Variants in CTCF observed in about 807,000 individuals in gnomAD.
CTCF encodes CCCTC-binding factor.
In CTCF, 7 loss-of-function variants were observed where a neutral mutation model predicts 72.3. The observed-to-expected ratio is 0.10, with a 90% CI of 0.06 to 0.18. The LOEUF (loss-of-function observed/expected upper bound fraction) is 0.18, where lower values mean the gene tolerates loss of function less well. CTCF is among the 10% of genes least tolerant of loss of function. The pLI is 1.00. For synonymous variants in CTCF, 374 were observed against 315.8 expected (o/e 1.18, Z -1.95); for missense variants, 516 against 949.1 (o/e 0.54, Z 6.00).
At chr16:67,624,065 T>TTA (rs201781611) in intron 7 of CTCF, among the ~76,000 whole-genome samples, 41 of 97,840 alleles carry the variant, frequency 4.2e-4, no homozygotes, top group South Asian at 1.1e-3. Context: ...AAAAAAAAAA[T>TTA]TATATATGTG....
At chr16:67,573,906 C>T (rs567812762) in intron 2 of CTCF, among the ~76,000 whole-genome samples, 1 of 152,142 alleles carries the variant, frequency 6.6e-6, no homozygotes, top group African/African-American at 2.4e-5. Context: ...TGGTGCGTGC[C>T]TGTAGTTCCA....
chr16:67,587,934 T>G (rs1481546156), intron 2 of CTCF, among the ~76,000 whole-genome samples: 1 of 152,146 alleles, frequency 6.6e-6, no homozygotes, highest in Non-Finnish European at 1.5e-5. Flanking sequence ...CTTGGCTCAC[T>G]TCAGCCTCTG....
chr16:67,615,628 A>G (rs961518980), intron 4 of CTCF: 2 of 152,162 alleles, frequency 1.3e-5, no homozygotes, highest in African/African-American at 4.8e-5. Flanking sequence ...ACAAAAAACG[A>G]AAAGAAAATT....
In CTCF at chr16:67,611,083, C is replaced by T; in HGVS notation, c.251C>T (p.Pro84Leu). Residue 84 changes from proline (P) to leucine (L), a missense_variant, in exon 3 of 12, where the codon CCA becomes CTA. This residue lies in a region of CTCF where 148 missense variants were observed against 194.9 expected (regional missense o/e 0.76). Transcript: ENST00000264010. ...GAAGTAATGGAGGGCACAGTGGCTC[C>T]AGAAGCAGAGGCTGCTGTGGACGAT... is the stretch of plus-strand genomic sequence containing the variant. ...KTEVMEGTVA[P>L]EAEAAVDDTQ... 3 of 1,614,132 alleles carry T rather than the reference C, an allele frequency of 1.9e-6. No individual in the cohort carries two copies. Among genetic ancestry groups the T allele is most frequent in the Non-Finnish European group, 2.5e-6 (3 of 1,180,026 alleles).
intron 2 of CTCF, among the ~76,000 whole-genome samples, chr16:67,608,018 CAAA>C (rs549111284): frequency 4.7e-5 from 5 of 105,774 alleles, no homozygotes; most frequent in Admixed American, 9.8e-5. Context: ...GACTCCGACT[CAAA>C]AAAAAAAAAA....
chr16:67,574,948 C>T (rs1436453133), intron 2 of CTCF, among the ~76,000 whole-genome samples: 2 of 152,086 alleles, frequency 1.3e-5, no homozygotes, highest in East Asian at 1.9e-4. Context: ...TGAGCCACTG[C>T]GCCCAGCCAA....
intron 5 of CTCF, among the ~76,000 whole-genome samples, chr16:67,617,548 G>A (rs1002876466): frequency 3.3e-5 from 5 of 152,102 alleles, no homozygotes; most frequent in African/African-American, 1.2e-4. Context: ...TGGGCGTGGT[G>A]GTGCATGCCT....
intron 2 of CTCF, among the ~76,000 whole-genome samples, chr16:67,576,282 C>G (rs1365027201): frequency 6.6e-6 from 1 of 151,372 alleles, no homozygotes; most frequent in Non-Finnish European, 1.5e-5. Context: ...TGGCGTATAG[C>G]AGAAGCTCAA....
chr16:67,610,793 A>G (rs761218604), intron 2 of CTCF, 31 bp from the exon 3 acceptor site: 2 of 1,394,252 alleles, frequency 1.4e-6, no homozygotes, highest in Admixed American at 5.1e-5. Context: ...GCTTTGCTTT[A>G]AATAACAATC....
chr16:67,599,443 C>G (rs1473881336), intron 2 of CTCF, among the ~76,000 whole-genome samples: 1 of 151,930 alleles, frequency 6.6e-6, no homozygotes, highest in Non-Finnish European at 1.5e-5. Context: ...TGATCCATGC[C>G]CCCTAAGGAT....
intron 2 of CTCF, among the ~76,000 whole-genome samples, chr16:67,598,581 C>T (rs114403151): frequency 8.8e-4 from 134 of 152,270 alleles, no homozygotes; most frequent in African/African-American, 3.2e-3. Context: ...CAACATGATC[C>T]TGTTACATAG....
chr16:67,630,663 GAGA>G (rs1209296011), intron 10 of CTCF, among the ~76,000 whole-genome samples: 1 of 152,086 alleles, frequency 6.6e-6, no homozygotes, highest in African/African-American at 2.4e-5. Context: ...GCTGAGGTGG[GAGA>G]ATCACCTGAG....
intron 2 of CTCF, among the ~76,000 whole-genome samples, chr16:67,607,202 C>G (rs1052776158): frequency 3.9e-5 from 6 of 152,016 alleles, no homozygotes; most frequent in African/African-American, 1.2e-4. Context: ...AGTGATCTGC[C>G]CGCCTCGGCC....
At chr16:67,637,405 A>G (rs1459102910) in intron 11 of CTCF, among the ~76,000 whole-genome samples, 2 of 152,084 alleles carry the variant, frequency 1.3e-5, no homozygotes, top group East Asian at 1.9e-4. Flanking sequence ...AGGGGTGGGC[A>G]CCTGTAGTCC....
Position 67,626,615 on chromosome 16 carries a change from A to G in CTCF, c.1418A>G (p.Asp473Gly). 6.3e-7 allele frequency: 1 copy of G among 1,575,450 alleles called. No individual in the cohort carries two copies. The highest frequency in any genetic ancestry group is 1.9e-5 in the Admixed American group (1 of 52,740). The change falls in exon 8 of 12, where the codon GAT (aspartate) becomes GGT (glycine). Residue 473 changes from aspartate (D) to glycine (G), a missense_variant. Asp to Gly is a moderately conservative substitution (Grantham distance 94, BLOSUM62 -1). This residue lies in a region of CTCF where 81 missense variants were observed against 184.3 expected (regional missense o/e 0.44). Transcript: ENST00000264010. ...IEQGKKCRYC[D>G]AVFHERYALI... ...CAAGGCAAGAAATGCCGTTACTGTG[A>G]TGCTGTGTTTCATGAGCGCTATGCC...
intron 2 of CTCF, among the ~76,000 whole-genome samples, chr16:67,600,438 CAAGCTGGTCTCG>C (rs1221686246): frequency 6.6e-6 from 1 of 152,002 alleles, no homozygotes; most frequent in Non-Finnish European, 1.5e-5. Flanking sequence ...CCATGTTGCC[CAAGCTGGTCTCG>C]AACTCCTGGA....
rs2052334460 is a variant in CTCF at position 67,629,522 on chromosome 16, C to A, written c.1826C>A (p.Ser609Tyr). ...AAGATGCGCTCTAAGAAAGAAGATT[C>A]CTCTGACAGTGGTAAGTGACTTGTT... ...KRKMRSKKED[S>Y]SDSENAEPDL... The change falls in exon 10 of 12, where the codon TCC (serine) becomes TAC (tyrosine). Residue 609 changes from serine (S) to tyrosine (Y), a missense_variant. Transcript: ENST00000264010. 6.2e-7 allele frequency: 1 copy of A among 1,612,618 alleles called. No individual in the cohort carries two copies. Among genetic ancestry groups the A allele is most frequent in the Non-Finnish European group, 8.5e-7 (1 of 1,179,604 alleles).
chr16:67,628,660 C>T, intron 9 of CTCF, 108 bp downstream of exon 9: 1 of 1,140,608 alleles, frequency 8.8e-7, no homozygotes, highest in South Asian at 1.4e-5. Flanking sequence ...AACAGAGATG[C>T]TCCATTGTTT....
At chr16:67,599,421 A>C (rs184167372) in intron 2 of CTCF, among the ~76,000 whole-genome samples, 2 of 152,168 alleles carry the variant, frequency 1.3e-5, no homozygotes, top group Admixed American at 1.3e-4. Context: ...CTGAAGCAAG[A>C]GGAGGAAGAA....
Sources: gnomAD v4.1 joint callset for allele counts (sites outside exome capture counted in the v4.1 genomes callset) on GRCh38, gnomAD v4.1.1 for gene constraint, gnomAD v4.1.1 regional missense constraint, MANE v1.5 for transcripts, NCBI Gene and HGNC (gene_info 2026-07-23, HGNC 2026-07-21) for gene names.